Variants in RALYL observed in about 807,000 individuals in gnomAD.
RALYL encodes RALY RNA binding protein like, also known as RNA-binding Raly-like protein.
RALYL carries 29 observed loss-of-function variants against 35.1 expected under a neutral mutation model. The observed-to-expected ratio is 0.83, with a 90% CI of 0.61 to 1.13. RALYL has a LOEUF of 1.13. Ranked by LOEUF, RALYL falls within the 50% of genes most tolerant of loss-of-function variation. RALYL has a pLI of 0.00. For missense variants in RALYL, 359 were observed against 360.4 expected (o/e 1.00, Z 0.03); for synonymous variants, 120 against 127.6 (o/e 0.94, Z 0.40).
intron 1 of RALYL, among the ~76,000 whole-genome samples, chr8:84,388,097 G>GT (rs1333292757): frequency 1.6e-4 from 24 of 151,970 alleles, no homozygotes; most frequent in Non-Finnish European, 7.4e-5. Flanking sequence ...GTGGTGTTTG[G>GT]TTTTTTGTTC....
At chr8:84,911,331 G>T (rs957271464) in intron 8 of RALYL, among the ~76,000 whole-genome samples, 5 of 152,048 alleles carry the variant, frequency 3.3e-5, no homozygotes, top group African/African-American at 1.2e-4. Flanking sequence ...TAATAAAACT[G>T]GTTATATCTT....
At chr8:84,784,369 A>G (rs868050021) in intron 3 of RALYL, among the ~76,000 whole-genome samples, 23 of 151,900 alleles carry the variant, frequency 1.5e-4, no homozygotes, top group African/African-American at 5.3e-4. Context: ...ATTAATGAGA[A>G]ACCAAACAGC....
In RALYL at chr8:84,430,012, TA is replaced by T. The variant is rs879295888; in HGVS notation, c.-23-99274del. ...AAATAGACTTCTAGGAGAGTTTGCTTAAAAAAAAAAAAAGAGTTCCATTTTT... is the reference window on the plus strand; with the variant it reads ...AAATAGACTTCTAGGAGAGTTTGCTTAAAAAAAAAAAAGAGTTCCATTTTT... On this transcript the variant is annotated intron_variant, in intron 1 of 8. Transcript: ENST00000521268. Among the ~76,000 whole-genome samples the T allele has an allele frequency of 9.8e-3, 1,373 of 140,574 alleles. 7 individuals carry two copies. The highest frequency in any genetic ancestry group is 0.019 in the African/African-American group (721 of 38,732). The allele number at this position is 140,574 out of a possible 152,430, so 92.2% of individuals were successfully genotyped here. A position where few individuals can be genotyped will look rare whatever the true frequency, so the allele number is the denominator to read the frequency against.
intron 1 of RALYL, among the ~76,000 whole-genome samples, chr8:84,466,849 C>A (rs1014284175): frequency 3.3e-5 from 5 of 151,182 alleles, no homozygotes; most frequent in African/African-American, 9.7e-5. Flanking sequence ...AGAGATTCAA[C>A]TTCTTCCTGG....
chr8:84,483,386 A>C (rs2054256988), intron 1 of RALYL, among the ~76,000 whole-genome samples: 1 of 152,054 alleles, frequency 6.6e-6, no homozygotes, highest in South Asian at 2.1e-4. Flanking sequence ...TGCTATTGCA[A>C]TATAGACCTT....
At chr8:84,752,420 G>A (rs1312105523) in intron 2 of RALYL, among the ~76,000 whole-genome samples, 1 of 152,130 alleles carries the variant, frequency 6.6e-6, no homozygotes, top group African/African-American at 2.4e-5. Flanking sequence ...TTTGCAACCT[G>A]GATATATGGT....
intron 1 of RALYL, among the ~76,000 whole-genome samples, chr8:84,400,325 G>A (rs1459065660): frequency 6.6e-6 from 1 of 152,116 alleles, no homozygotes; most frequent in Non-Finnish European, 1.5e-5. Flanking sequence ...TTGAGGTCAG[G>A]TGTGGAATTT....
At chr8:84,779,752 T>G (rs1397650920) in intron 3 of RALYL, among the ~76,000 whole-genome samples, 4 of 152,214 alleles carry the variant, frequency 2.6e-5, no homozygotes, top group Non-Finnish European at 5.9e-5. Context: ...ACAGACCAAG[T>G]AAGGTGACTG....
At chr8:84,754,788 G>T (rs1437914234) in intron 2 of RALYL, among the ~76,000 whole-genome samples, 1 of 152,188 alleles carries the variant, frequency 6.6e-6, no homozygotes, top group Non-Finnish European at 1.5e-5. Flanking sequence ...CCACCATGCG[G>T]TAGGTCTTGT....
intron 2 of RALYL, among the ~76,000 whole-genome samples, chr8:84,662,964 A>C (rs1176321291): frequency 6.6e-6 from 1 of 152,022 alleles, no homozygotes; most frequent in Admixed American, 6.6e-5. Context: ...TCCACTAGCT[A>C]TTCTTATTAA....
At position 84,887,727 on chromosome 8, in the gene RALYL, T is replaced by A. The variant is rs370777394; in HGVS notation, c.809T>A (p.Met270Lys). The A allele has an allele frequency of 2.5e-6, 4 of 1,613,758 alleles. No homozygotes were observed. Among genetic ancestry groups the A allele is most frequent in the South Asian group, 2.2e-5 (2 of 91,080 alleles). The change falls in exon 8 of 9, where the codon ATG (methionine) becomes AAG (lysine). Residue 270 changes from methionine (M) to lysine (K), a missense_variant. Met to Lys is a moderately conservative substitution (Grantham distance 95, BLOSUM62 -1). Transcript: ENST00000521268. ...EGGPDADGEE[M>K]TDGIEEDFDE... Reference sequence around the variant, plus strand: ...GGGCCAGATGCCGATGGAGAAGAGATGACAGATGGGATAGAGGAGGACTTC... The same window carrying A: ...GGGCCAGATGCCGATGGAGAAGAGAAGACAGATGGGATAGAGGAGGACTTC...
At chr8:84,893,500 C>T (rs1162243308) in intron 8 of RALYL, among the ~76,000 whole-genome samples, 1 of 152,132 alleles carries the variant, frequency 6.6e-6, no homozygotes, top group Non-Finnish European at 1.5e-5. Flanking sequence ...TAACACAGTG[C>T]TAATTCAAAA....
intron 1 of RALYL, among the ~76,000 whole-genome samples, chr8:84,370,279 G>C (rs527993714): frequency 2.1e-4 from 32 of 152,070 alleles, no homozygotes; most frequent in Non-Finnish European, 3.8e-4. Context: ...ACTTAGTTAT[G>C]AGTAAAAATT....
chr8:84,194,600 C>G (rs1586072420), intron 1 of RALYL, among the ~76,000 whole-genome samples: 1 of 152,192 alleles, frequency 6.6e-6, no homozygotes, highest in African/African-American at 2.4e-5. Flanking sequence ...GAAAAGAAAG[C>G]TATGGAGTAT....
At chr8:84,228,621 A>C (rs762352091) in intron 1 of RALYL, among the ~76,000 whole-genome samples, 5 of 152,192 alleles carry the variant, frequency 3.3e-5, no homozygotes, top group Non-Finnish European at 5.9e-5. Flanking sequence ...ATGTTCATCT[A>C]AGCTGCATTT....
chr8:84,782,028 C>T (rs1000987296), intron 3 of RALYL, among the ~76,000 whole-genome samples: 9 of 121,964 alleles, frequency 7.4e-5, no homozygotes, highest in East Asian at 4.1e-4. Flanking sequence ...TGTGCACACG[C>T]GCGCACACAC....
intron 2 of RALYL, among the ~76,000 whole-genome samples, chr8:84,612,703 G>A (rs1019719281): frequency 6.6e-6 from 1 of 151,546 alleles, no homozygotes; most frequent in South Asian, 2.1e-4. Context: ...TGTGCTATTT[G>A]GGAGTATTAC....
intron 1 of RALYL, among the ~76,000 whole-genome samples, chr8:84,242,772 T>C (rs1050278766): frequency 6.6e-6 from 1 of 152,198 alleles, no homozygotes; most frequent in African/African-American, 2.4e-5. Context: ...TGCAAAAATT[T>C]TCTCCCATTC....
At chr8:84,206,805 G>T (rs1002206970) in intron 1 of RALYL, among the ~76,000 whole-genome samples, 7 of 152,216 alleles carry the variant, frequency 4.6e-5, no homozygotes, top group Non-Finnish European at 8.8e-5. Flanking sequence ...TGAGGAAGTT[G>T]AAAGTTGTGT....
Sources: allele counts gnomAD v4.1 joint callset (sites outside exome capture counted in the v4.1 genomes callset), GRCh38; gene constraint gnomAD v4.1.1; transcripts MANE v1.5; gene names NCBI Gene and HGNC (gene_info 2026-07-23, HGNC 2026-07-21).